Variants in PTPRD observed in about 807,000 individuals in gnomAD.
The protein encoded by PTPRD is receptor-type tyrosine-protein phosphatase delta.
In PTPRD, 34 loss-of-function variants were observed where a neutral mutation model predicts 214.5. That is an observed-to-expected ratio of 0.16 (90% CI 0.12 to 0.21). PTPRD has a LOEUF of 0.21. PTPRD is among the 10% of genes least tolerant of loss of function. The pLI is 1.00. For missense variants in PTPRD, 2,545 were observed against 2,398.7 expected (o/e 1.06, Z -1.27); for synonymous variants, 1,128 against 845.7 (o/e 1.33, Z -5.79).
At chr9:8,736,489 G>T (rs145645349) in intron 11 of PTPRD, among the ~76,000 whole-genome samples, 1 of 152,080 alleles carries the variant, frequency 6.6e-6, no homozygotes, top group South Asian at 2.1e-4. Flanking sequence ...GAGATATCCA[G>T]CAATAACCTA....
At chr9:9,958,540 C>T (rs1371665742) in intron 4 of PTPRD, among the ~76,000 whole-genome samples, 1 of 151,952 alleles carries the variant, frequency 6.6e-6, no homozygotes, top group East Asian at 1.9e-4. Context: ...TCAAAAACAA[C>T]AACAACAGCA....
intron 4 of PTPRD, among the ~76,000 whole-genome samples, chr9:9,970,457 AAAAAG>A (rs1375762028): frequency 4.0e-3 from 509 of 127,884 alleles, no homozygotes; most frequent in African/African-American, 0.013. Context: ...AAAGAAAAAG[AAAAAG>A]AAAAAAAAAA....
chr9:9,864,427 A>T (rs2063493565), intron 5 of PTPRD, among the ~76,000 whole-genome samples: 1 of 152,190 alleles, frequency 6.6e-6, no homozygotes, highest in Non-Finnish European at 1.5e-5. Context: ...GGGGTGTGTG[A>T]CATAGATTCC....
intron 11 of PTPRD, among the ~76,000 whole-genome samples, chr9:8,846,532 G>C (rs1300205060): frequency 6.6e-6 from 1 of 152,174 alleles, no homozygotes; most frequent in Admixed American, 6.5e-5. Context: ...CCAGACTTGG[G>C]AGGAGGGAAA....
At chr9:10,508,760 C>T (rs904784216) in intron 2 of PTPRD, among the ~76,000 whole-genome samples, 1 of 151,764 alleles carries the variant, frequency 6.6e-6, no homozygotes, top group Admixed American at 6.6e-5. Context: ...CACTTGGACA[C>T]AGGAAGGGGA....
At chr9:9,735,517 T>A (rs989222008) in intron 6 of PTPRD, among the ~76,000 whole-genome samples, 1 of 152,102 alleles carries the variant, frequency 6.6e-6, no homozygotes, top group Non-Finnish European at 1.5e-5. Context: ...TGTGTCTGCA[T>A]CTTACTGTCA....
chr9:9,294,708 C>G (rs570873248), intron 9 of PTPRD, among the ~76,000 whole-genome samples: 36 of 151,614 alleles, frequency 2.4e-4, no homozygotes, highest in Non-Finnish European at 4.3e-4. Context: ...TGCTGACACC[C>G]TGATCTTAGA....
chr9:8,528,996 G>A lies in PTPRD; in HGVS notation c.353-217C>T, dbSNP rs190835963. Among the ~76,000 whole-genome samples the A allele has an allele frequency of 2.9e-4, 44 of 152,160 alleles. 1 individual carries two copies. In the East Asian group the frequency reaches 4.3e-3, roughly 15 times the overall value. ...CAACAGACTAACACAGAGCTCAGACGGGGCCGACTATGATGAGGGGATGCA... is the reference window on the plus strand; with the variant it reads ...CAACAGACTAACACAGAGCTCAGACAGGGCCGACTATGATGAGGGGATGCA... On this transcript the variant is annotated intron_variant, in intron 14 of 45. Transcript: ENST00000381196.
At chr9:9,873,985 A>T (rs759703613) in intron 5 of PTPRD, among the ~76,000 whole-genome samples, 2 of 152,184 alleles carry the variant, frequency 1.3e-5, no homozygotes, top group Non-Finnish European at 1.5e-5. Context: ...AATATGACCA[A>T]GAGACCAATT....
chr9:9,672,841 AT>A (rs2096856913), intron 7 of PTPRD, among the ~76,000 whole-genome samples: 1 of 152,122 alleles, frequency 6.6e-6, no homozygotes, highest in South Asian at 2.1e-4. Flanking sequence ...GAAAATGGAA[AT>A]AAAAACAGTA....
intron 8 of PTPRD, among the ~76,000 whole-genome samples, chr9:9,498,858 T>A (rs111796021): frequency 6.6e-6 from 1 of 152,102 alleles, no homozygotes; most frequent in Non-Finnish European, 1.5e-5. Context: ...AATTCAAAAG[T>A]GTCCTTCATT....
intron 9 of PTPRD, among the ~76,000 whole-genome samples, chr9:9,367,780 C>A (rs1026062414): frequency 6.6e-5 from 10 of 151,734 alleles, no homozygotes; most frequent in African/African-American, 2.4e-4. Context: ...ATTTGCAAAG[C>A]AATCTGAGAA....
At chr9:8,975,802 T>TA (rs2099264827) in intron 11 of PTPRD, among the ~76,000 whole-genome samples, 1 of 146,080 alleles carries the variant, frequency 6.8e-6, no homozygotes, top group Non-Finnish European at 1.5e-5. Context: ...ATATATATAT[T>TA]TGTATATATA....
intron 8 of PTPRD, among the ~76,000 whole-genome samples, chr9:9,564,451 T>C (rs912406219): frequency 3.9e-5 from 6 of 152,122 alleles, no homozygotes; most frequent in Admixed American, 3.9e-4. Context: ...ATTTATATTT[T>C]AAAAATTTCT....
At chr9:8,859,757 A>G (rs2098058492) in intron 11 of PTPRD, among the ~76,000 whole-genome samples, 1 of 145,230 alleles carries the variant, frequency 6.9e-6, no homozygotes, top group South Asian at 2.2e-4. Flanking sequence ...TAAGTCACAT[A>G]TTTTTTAAAG....
At chr9:10,538,313 G>C (rs1163822660) in intron 2 of PTPRD, among the ~76,000 whole-genome samples, 5 of 151,050 alleles carry the variant, frequency 3.3e-5, no homozygotes, top group African/African-American at 1.2e-4. Flanking sequence ...GAGAGGAGTG[G>C]TTCTGTAAAG....
At chr9:9,214,947 C>G (rs1046590617) in intron 9 of PTPRD, among the ~76,000 whole-genome samples, 2 of 152,138 alleles carry the variant, frequency 1.3e-5, no homozygotes, top group Non-Finnish European at 2.9e-5. Flanking sequence ...AGTATTTGAA[C>G]GAGCCCTTCT....
intron 2 of PTPRD, among the ~76,000 whole-genome samples, chr9:10,473,389 C>G (rs773898491): frequency 1.3e-5 from 2 of 152,090 alleles, no homozygotes; most frequent in Admixed American, 6.6e-5. Flanking sequence ...ACTAGCATGT[C>G]TCACTTTTAT....
intron 11 of PTPRD, among the ~76,000 whole-genome samples, chr9:8,943,937 G>A (rs1173482955): frequency 1.3e-5 from 2 of 151,848 alleles, no homozygotes; most frequent in Non-Finnish European, 2.9e-5. Context: ...GCACAGCAAA[G>A]GGAACAATCA....
Sources: allele counts gnomAD v4.1 joint callset (sites outside exome capture counted in the v4.1 genomes callset), GRCh38; gene constraint gnomAD v4.1.1; transcripts MANE v1.5; gene names NCBI Gene and HGNC (gene_info 2026-07-23, HGNC 2026-07-21).